NPHP1: variants seen among roughly 807,000 people sequenced by gnomAD.
NPHP1 encodes nephrocystin-1.
A neutral mutation model predicts 90.4 loss-of-function variants in NPHP1; 70 were observed. That is an observed-to-expected ratio of 0.77 (90% CI 0.64 to 0.95). The LOEUF is 0.95. Ranked by LOEUF, NPHP1 falls within the 40% of genes least tolerant of loss-of-function variation. The pLI is 0.00. For synonymous variants in NPHP1, 256 were observed against 271.7 expected, an observed-to-expected ratio of 0.94 and a Z score of 0.57; for missense variants, 764 against 795.9, an observed-to-expected ratio of 0.96 and a Z score of 0.48.
Position 110,131,688 on chromosome 2 carries a change from G to C in NPHP1, c.1633C>G (p.Gln545Glu), listed in dbSNP as rs1487346254. The C allele has an allele frequency of 1.2e-6, 2 of 1,608,394 alleles. No homozygotes were observed. Among genetic ancestry groups the C allele is most frequent in the Non-Finnish European group, 1.7e-6 (2 of 1,174,856 alleles). The change falls in exon 17 of 20, where the codon CAA (glutamine) becomes GAA (glutamate). Residue 545 changes from glutamine (Q) to glutamate (E), a missense_variant. By Grantham distance (29) the Gln-to-Glu change is conservative (BLOSUM62 2). Coordinates refer to ENST00000445609, the MANE Select transcript of NPHP1 (RefSeq NM_001128178.3). ...GGCAAAGCCCACTTACCAGTACTTTGCAAGCTCATCCTGTCTTTCAGGAGC... is the reference window on the plus strand; with the variant it reads ...GGCAAAGCCCACTTACCAGTACTTTCCAAGCTCATCCTGTCTTTCAGGAGC... ...DVLLKDRMSL[Q>E]STDLISHPML...
At chr2:110,148,728 A>G (rs551178326) in intron 12 of NPHP1, among the ~76,000 whole-genome samples, 1 of 152,312 alleles carries the variant, frequency 6.6e-6, no homozygotes, top group Admixed American at 6.5e-5. Context: ...TATAGACATT[A>G]TAAGATATTT....
rs1303149826 is a variant in NPHP1 at position 110,194,087 on chromosome 2, A to C, written c.143+7334T>G. ...AATAAAATTGACACCCTAATATCAC[A>C]ATTAAAAGAACTGGAGAACCAAGAG... On this transcript the variant is annotated intron_variant, in intron 2 of 19. Transcript: ENST00000445609. 2.0e-5 allele frequency among the ~76,000 whole-genome samples: 3 copies of C among 152,292 alleles called. No homozygotes were observed. The South Asian group carries it at 6.2e-4, about 32-fold the overall frequency.
chr2:110,133,259 T>C (rs1006031489), intron 16 of NPHP1, among the ~76,000 whole-genome samples: 1 of 152,070 alleles, frequency 6.6e-6, no homozygotes, highest in African/African-American at 2.4e-5. Context: ...TGTTTAGCCA[T>C]ATTAATATCA....
chr2:110,172,726 G>A (rs1036542458), intron 4 of NPHP1, among the ~76,000 whole-genome samples: 3 of 152,078 alleles, frequency 2.0e-5, no homozygotes, highest in African/African-American at 7.2e-5. Flanking sequence ...GGACGTTGCA[G>A]TGAGCCAAGA....
At chr2:110,131,586 C>A in intron 17 of NPHP1, 93 bp downstream of exon 17, 1 of 772,220 alleles carries the variant, frequency 1.3e-6, no homozygotes, top group Non-Finnish European at 2.3e-6. Context: ...CCAAAAGTCA[C>A]AACCAGAAAC....
chr2:110,126,477 G>A (rs1679377923), intron 18 of NPHP1: 1 of 152,344 alleles, frequency 6.6e-6, no homozygotes, highest in South Asian at 2.1e-4. Flanking sequence ...TTCTCAGCAG[G>A]AGATAACAGA....
intron 4 of NPHP1, among the ~76,000 whole-genome samples, chr2:110,173,475 CAAT>C (rs904442417): frequency 2.2e-4 from 34 of 152,220 alleles, no homozygotes; most frequent in South Asian, 8.3e-4. Context: ...TGCTGCACAA[CAAT>C]GTTTCAGTCA....
At chr2:110,160,012 G>T in intron 11 of NPHP1, 115 bp downstream of exon 11, 1 of 1,110,498 alleles carries the variant, frequency 9.0e-7, no homozygotes, top group South Asian at 1.3e-5. Flanking sequence ...TTTTTCTTTG[G>T]TACTAGGTAA....
At chr2:110,173,053 G>A (rs1040359508) in intron 4 of NPHP1, among the ~76,000 whole-genome samples, 2 of 150,316 alleles carry the variant, frequency 1.3e-5, no homozygotes, top group African/African-American at 2.5e-5. Flanking sequence ...CCACCTCCCG[G>A]GTTCAAGCGA....
chr2:110,142,483 G>A (rs939619489), intron 16 of NPHP1, among the ~76,000 whole-genome samples: 4 of 151,608 alleles, frequency 2.6e-5, no homozygotes, highest in Non-Finnish European at 5.9e-5. Context: ...CTCCCAAGTA[G>A]CTGGGACTAC....
At chr2:110,194,402 T>C (rs1445794643) in intron 2 of NPHP1, among the ~76,000 whole-genome samples, 1 of 151,830 alleles carries the variant, frequency 6.6e-6, no homozygotes, top group Non-Finnish European at 1.5e-5. Context: ...AACTAGAAAA[T>C]CTAGAAGAAA....
In NPHP1 at chr2:110,144,517, C is replaced by T; in HGVS notation, c.1405G>A (p.Val469Met). ...GGTPYEKGIE[V>M]DPSISRRAHG... ...CCTCTTCTGGATATTGAAGGGTCCACTTCAATACCTTTTTCATAAGGAGTA... is the reference window on the plus strand; with the variant it reads ...CCTCTTCTGGATATTGAAGGGTCCATTTCAATACCTTTTTCATAAGGAGTA... Residue 469 changes from valine to methionine, a missense_variant, in exon 15 of 20, where the codon GTG becomes ATG. Val to Met is a conservative substitution (Grantham distance 21, BLOSUM62 1). Coordinates refer to ENST00000445609, the MANE Select transcript of NPHP1 (RefSeq NM_001128178.3). 2 of 1,606,954 alleles carry T rather than the reference C, an allele frequency of 1.2e-6. No individual in the cohort carries two copies. Among genetic ancestry groups the T allele is most frequent in the Non-Finnish European group, 8.5e-7 (1 of 1,173,660 alleles).
At chr2:110,164,281 C>A in intron 8 of NPHP1, 1 of 529,202 alleles carries the variant, frequency 1.9e-6, no homozygotes, top group Non-Finnish European at 3.4e-6. Flanking sequence ...AAGTGATCCT[C>A]CTGCTTCAGC....
chr2:110,184,969 C>T (rs1292851906), intron 2 of NPHP1: 6 of 644,932 alleles, frequency 9.3e-6, no homozygotes, highest in South Asian at 2.7e-5. Flanking sequence ...TCTCCAACAT[C>T]GTCCTCTTGG....
At chr2:110,161,507 T>G (rs1574120892) in intron 10 of NPHP1, 96 bp downstream of exon 10, 1 of 827,710 alleles carries the variant, frequency 1.2e-6, no homozygotes, top group East Asian at 2.7e-5. Flanking sequence ...TTTTTGTTTT[T>G]TATAATTCAT....
intron 11 of NPHP1, among the ~76,000 whole-genome samples, chr2:110,152,229 A>G (rs1681525956): frequency 6.6e-6 from 1 of 151,600 alleles, no homozygotes; most frequent in Non-Finnish European, 1.5e-5. Context: ...TACGGCAGGG[A>G]GATTGCTTGA....
intron 11 of NPHP1, among the ~76,000 whole-genome samples, chr2:110,157,366 G>A (rs1681983105): frequency 6.6e-6 from 1 of 152,036 alleles, no homozygotes; most frequent in Admixed American, 6.6e-5. Flanking sequence ...ACACCTACTG[G>A]CTCATTTGTG....
At chr2:110,167,823 G>T (rs573075282) in intron 6 of NPHP1, among the ~76,000 whole-genome samples, 4 of 152,062 alleles carry the variant, frequency 2.6e-5, no homozygotes, top group African/African-American at 9.7e-5. Context: ...CATCAGAATC[G>T]AATTGAATTG....
chr2:110,131,030 G>A (rs972649870), intron 17 of NPHP1, among the ~76,000 whole-genome samples: 1 of 152,054 alleles, frequency 6.6e-6, no homozygotes, highest in Admixed American at 6.6e-5. Flanking sequence ...TACATATCTG[G>A]TTACTGATTT....
Sources: gnomAD v4.1 joint callset for allele counts (sites outside exome capture counted in the v4.1 genomes callset) on GRCh38, gnomAD v4.1.1 for gene constraint, MANE v1.5 for transcripts, NCBI Gene and HGNC (gene_info 2026-07-23, HGNC 2026-07-21) for gene names.